Variants in ARHGAP24 observed in about 807,000 individuals in gnomAD.
The protein encoded by ARHGAP24 is rho GTPase-activating protein 24.
In ARHGAP24, 50 loss-of-function variants were observed where a neutral mutation model predicts 76.4. The ratio of observed to expected loss-of-function variants is 0.65; its 90% confidence interval spans 0.52 to 0.83. ARHGAP24 has a LOEUF of 0.83. Ranked by LOEUF, ARHGAP24 falls within the 40% of genes least tolerant of loss-of-function variation. The probability of loss-of-function intolerance (pLI) is 0.00; values close to 1 mark genes in which losing one functional copy is unlikely to be tolerated. For synonymous variants in ARHGAP24, 345 were observed against 323.3 expected (o/e 1.07, Z -0.72); for missense variants, 930 against 914.2 (o/e 1.02, Z -0.22).
At chr4:85,926,644 T>A (rs1332715977) in intron 4 of ARHGAP24, among the ~76,000 whole-genome samples, 8 of 152,218 alleles carry the variant, frequency 5.3e-5, no homozygotes, top group Non-Finnish European at 1.2e-4. Context: ...TAAAGTTATA[T>A]GACCCAAAAA....
intron 3 of ARHGAP24, among the ~76,000 whole-genome samples, chr4:85,796,054 C>T (rs1481378335): frequency 6.6e-6 from 1 of 152,128 alleles, no homozygotes; most frequent in African/African-American, 2.4e-5. Context: ...CTGCATGAAA[C>T]ATGTCCCTCA....
At chr4:85,578,174 T>G (rs982884144) in intron 2 of ARHGAP24, among the ~76,000 whole-genome samples, 1 of 152,310 alleles carries the variant, frequency 6.6e-6, no homozygotes, top group East Asian at 1.9e-4. Context: ...GTCCTGCAAC[T>G]CCTATAATTG....
At chr4:85,961,005 C>T (rs1481298093) in intron 5 of ARHGAP24, among the ~76,000 whole-genome samples, 1 of 152,036 alleles carries the variant, frequency 6.6e-6, no homozygotes, top group Non-Finnish European at 1.5e-5. Flanking sequence ...AAAAAACTTG[C>T]CTCTTCTCAA....
chr4:85,632,868 A>T (rs1241076842), intron 2 of ARHGAP24, among the ~76,000 whole-genome samples: 1 of 151,958 alleles, frequency 6.6e-6, no homozygotes, highest in East Asian at 1.9e-4. Flanking sequence ...TAATGAGATA[A>T]CAGATGTTCT....
At chr4:85,857,599 C>T (rs961469758) in intron 3 of ARHGAP24, among the ~76,000 whole-genome samples, 2 of 152,050 alleles carry the variant, frequency 1.3e-5, no homozygotes, top group Non-Finnish European at 2.9e-5. Flanking sequence ...TAGGGAAATT[C>T]CTACTATGTG....
At chr4:85,789,740 C>T (rs1000370955) in intron 3 of ARHGAP24, among the ~76,000 whole-genome samples, 2 of 152,186 alleles carry the variant, frequency 1.3e-5, no homozygotes, top group African/African-American at 4.8e-5. Flanking sequence ...CGTTCCAGTG[C>T]ATTCACTGTA....
intron 2 of ARHGAP24, among the ~76,000 whole-genome samples, chr4:85,623,523 G>A (rs1022233831): frequency 8.5e-5 from 13 of 152,134 alleles, no homozygotes; most frequent in African/African-American, 1.9e-4. Flanking sequence ...GTCAGGTAGG[G>A]TGATGCCTCC....
At chr4:85,703,268 G>A (rs1724167134) in intron 2 of ARHGAP24, among the ~76,000 whole-genome samples, 1 of 152,078 alleles carries the variant, frequency 6.6e-6, no homozygotes. Flanking sequence ...TTTAGTACGT[G>A]TCATGTGAAA....
chr4:85,695,117 G>T (rs1335578225), intron 2 of ARHGAP24, among the ~76,000 whole-genome samples: 1 of 152,130 alleles, frequency 6.6e-6, no homozygotes, highest in African/African-American at 2.4e-5. Context: ...CATCTCAACT[G>T]GAAGATCTTA....
Position 85,712,976 on chromosome 4 carries a change from G to A in ARHGAP24, c.181-8909G>A, listed in dbSNP as rs190765513. 1.1e-3 allele frequency among the ~76,000 whole-genome samples: 172 copies of A among 152,240 alleles called. 1 individual carries two copies. The highest frequency in any genetic ancestry group is 3.9e-3 in the African/African-American group (162 of 41,536). ...CCAAATGCCCCTGTGCAACCCTGCC[G>A]TCTCCTGTCATTTTTGTTTGCTTTT... On this transcript the variant is annotated intron_variant, in intron 2 of 9. Transcript: ENST00000395184.
intron 2 of ARHGAP24, among the ~76,000 whole-genome samples, chr4:85,657,591 G>T (rs564942775): frequency 6.6e-6 from 1 of 152,262 alleles, no homozygotes; most frequent in South Asian, 2.1e-4. Context: ...AAAACTTCGT[G>T]TCAGCTTGCT....
chr4:85,971,908 T>A (rs1739007013), intron 5 of ARHGAP24, 128 bp from the exon 6 acceptor site: 1 of 1,363,446 alleles, frequency 7.3e-7, no homozygotes, highest in Admixed American at 1.9e-5. Flanking sequence ...GAGTGCTCTC[T>A]GAAAACTGGG....
intron 3 of ARHGAP24, among the ~76,000 whole-genome samples, chr4:85,878,728 C>T (rs530388918): frequency 7.9e-5 from 12 of 152,258 alleles, no homozygotes; most frequent in African/African-American, 2.2e-4. Context: ...TACTTGTTAT[C>T]ATAGAGGATC....
At chr4:85,790,028 T>G (rs1293014297) in intron 3 of ARHGAP24, among the ~76,000 whole-genome samples, 1 of 152,164 alleles carries the variant, frequency 6.6e-6, no homozygotes, top group African/African-American at 2.4e-5. Flanking sequence ...TTTTATTAGG[T>G]GCAGAAATCA....
intron 2 of ARHGAP24, among the ~76,000 whole-genome samples, chr4:85,571,219 A>G (rs962936526): frequency 5.9e-5 from 9 of 152,240 alleles, no homozygotes; most frequent in African/African-American, 2.2e-4. Context: ...GATACATTCA[A>G]CCAGCATACA....
At position 85,874,911 on chromosome 4, in the gene ARHGAP24, TA is replaced by T. The variant is rs1398249849; in HGVS notation, c.269-48734del. 9.3e-4 allele frequency among the ~76,000 whole-genome samples: 84 copies of T among 90,628 alleles called. 3 individuals are homozygous for T. The highest frequency in any genetic ancestry group is 2.6e-3 in the African/African-American group (55 of 21,478). 59.5% of individuals were successfully genotyped at this position (90,628 alleles called of 152,430 possible). On this transcript the variant is annotated intron_variant, in intron 3 of 9. Transcript: ENST00000395184. ...AAATATATTTTATATAATTTATATA[TA>T]AATATATTTATATATAATTTATATA... is the stretch of plus-strand genomic sequence containing the variant.
chr4:85,872,295 A>G (rs1732576884), intron 3 of ARHGAP24, among the ~76,000 whole-genome samples: 1 of 151,446 alleles, frequency 6.6e-6, no homozygotes, highest in Admixed American at 6.6e-5. Context: ...GTTTTAAAAC[A>G]CTTTATTTTT....
intron 3 of ARHGAP24, among the ~76,000 whole-genome samples, chr4:85,754,379 G>T (rs1203356947): frequency 6.6e-6 from 1 of 152,168 alleles, no homozygotes; most frequent in African/African-American, 2.4e-5. Context: ...GAATAGTGCT[G>T]CAGTAAACAT....
intron 3 of ARHGAP24, among the ~76,000 whole-genome samples, chr4:85,863,702 A>G (rs866953841): frequency 6.6e-6 from 1 of 152,126 alleles, no homozygotes; most frequent in Admixed American, 6.6e-5. Flanking sequence ...TGTTAATTAA[A>G]GGGGAACCTT....
Sources: allele counts gnomAD v4.1 joint callset (sites outside exome capture counted in the v4.1 genomes callset), GRCh38; gene constraint gnomAD v4.1.1; transcripts MANE v1.5; gene names NCBI Gene and HGNC (gene_info 2026-07-23, HGNC 2026-07-21).